The following CTNNA2 variants were observed in gnomAD, a reference collection of about 807,000 sequenced individuals.
CTNNA2 encodes catenin alpha 2, also known as catenin alpha-2.
In CTNNA2, 42 loss-of-function variants were observed where a neutral mutation model predicts 101.0. The observed-to-expected ratio is 0.42, with a 90% CI of 0.32 to 0.54. The LOEUF (loss-of-function observed/expected upper bound fraction) is 0.54. Among genes scored for constraint, CTNNA2 ranks in the 20% least tolerant of loss-of-function variants. CTNNA2 has a pLI of 0.14. For missense variants in CTNNA2, 871 were observed against 1,223.1 expected (o/e 0.71, Z 4.29); for synonymous variants, 450 against 456.4 (o/e 0.99, Z 0.18).
intron 1 of CTNNA2, chr2:79,195,743 T>C (rs958514712): frequency 2.1e-6 from 1 of 465,706 alleles, no homozygotes. Context: ...GAGGGATGTG[T>C]CATATCATCT....
At chr2:80,498,155 A>G (rs1462616173) in intron 9 of CTNNA2, among the ~76,000 whole-genome samples, 1 of 152,242 alleles carries the variant, frequency 6.6e-6, no homozygotes, top group Non-Finnish European at 1.5e-5. Flanking sequence ...CACTCTGTGC[A>G]CAACCACACC....
chr2:79,684,629 T>C (rs1683809776), intron 2 of CTNNA2, among the ~76,000 whole-genome samples: 1 of 152,200 alleles, frequency 6.6e-6, no homozygotes, highest in Non-Finnish European at 1.5e-5. Context: ...TCCAATACTT[T>C]ACTGTGTTAT....
rs375583816 is a variant in CTNNA2 at position 79,651,605 on chromosome 2, T to C, written c.49T>C (p.Leu17=). 118 of 1,613,848 alleles carry C rather than the reference T, an allele frequency of 7.3e-5. No individual in the cohort carries two copies. Among genetic ancestry groups the C allele is most frequent in the Admixed American group, 6.7e-4 (40 of 59,954 alleles). The part of the protein sequence containing the change: ...PIILKWDPKS[L]EIRTLTVERL... Reference sequence around the variant, plus strand: ...CATTCTGAAATGGGACCCCAAAAGTTTGGAAATCCGGACGCTAACAGTGGA... The same window carrying C: ...CATTCTGAAATGGGACCCCAAAAGTCTGGAAATCCGGACGCTAACAGTGGA... Residue 17 remains leucine, a synonymous_variant, in exon 2 of 19, where the codon TTG becomes CTG. Coordinates refer to ENST00000402739, the MANE Select transcript of CTNNA2 (RefSeq NM_001282597.3).
At position 79,635,301 on chromosome 2, in the gene CTNNA2, G is replaced by T. The variant is rs531693698; in HGVS notation, c.-5-16251G>T. Among the ~76,000 whole-genome samples, 21 of 151,900 alleles carry T rather than the reference G, an allele frequency of 1.4e-4. 1 individual carries two copies. In the South Asian group the frequency reaches 3.7e-3, roughly 27 times the overall value. On this transcript the variant is annotated intron_variant, in intron 1 of 18. Transcript: ENST00000402739. ...CAAAAAATTAGCCGGGCGCGGTGGT[G>T]GGCGCCTGTAGTCCCAGCTACTCGG...
intron 9 of CTNNA2, among the ~76,000 whole-genome samples, chr2:80,533,257 A>T (rs774510767): frequency 1.3e-5 from 2 of 149,746 alleles, no homozygotes; most frequent in African/African-American, 2.6e-5. Flanking sequence ...TGTGAATGGG[A>T]TGCCTTCAGC....
At chr2:80,242,597 C>A (rs1308933923) in intron 7 of CTNNA2, among the ~76,000 whole-genome samples, 1 of 152,182 alleles carries the variant, frequency 6.6e-6, no homozygotes, top group African/African-American at 2.4e-5. Context: ...AGGTGCCAGC[C>A]TCCTGTGATC....
rs189901222 is a variant in CTNNA2, at chr2:79,466,091, G to A, written c.-134-38963G>A. ...ATTAGCCGAAGCAGGGCGAGGCATC[G>A]CCTCACCCAGGAAGTGCAAGGGGTC... On this transcript the variant is annotated intron_variant, in intron 4 of 21. Coordinates refer to the CTNNA2 transcript ENST00000466387. Among the ~76,000 whole-genome samples, 165 of 152,320 alleles carry A rather than the reference G, an allele frequency of 1.1e-3. 1 individual carries two copies. The highest frequency in any genetic ancestry group is 6.8e-3 in the Middle Eastern group (2 of 294).
At chr2:79,893,157 T>C (rs570218998) in intron 6 of CTNNA2, among the ~76,000 whole-genome samples, 23 of 152,318 alleles carry the variant, frequency 1.5e-4, no homozygotes, top group Admixed American at 3.3e-4. Flanking sequence ...TGCCAGACTG[T>C]TGTGTCTCAT....
At chr2:79,395,917 A>G (rs551745406) in intron 4 of CTNNA2, among the ~76,000 whole-genome samples, 2 of 152,286 alleles carry the variant, frequency 1.3e-5, no homozygotes, top group African/African-American at 4.8e-5. Context: ...ACAAATAACA[A>G]TCTTAACACA....
intron 7 of CTNNA2, among the ~76,000 whole-genome samples, chr2:80,231,011 G>T (rs1037936599): frequency 6.6e-6 from 1 of 151,606 alleles, no homozygotes; most frequent in African/African-American, 2.4e-5. Flanking sequence ...TCGCTCTGTC[G>T]TCCAGGCTGG....
At position 79,393,030 on chromosome 2, in the gene CTNNA2, T is replaced by C. The variant is rs1346979063; in HGVS notation, c.-135+19017T>C. 3.9e-5 allele frequency among the ~76,000 whole-genome samples: 6 copies of C among 152,312 alleles called. No individual in the cohort carries two copies. The East Asian group carries it at 9.7e-4, about 25-fold the overall frequency. ...GCTTCATGAAAATCCTGACCTGAGT[T>C]TTGAACTACAGCAGGGAGATTTGGA... On this transcript the variant is annotated intron_variant, in intron 4 of 21. Transcript: ENST00000466387.
intron 3 of CTNNA2, among the ~76,000 whole-genome samples, chr2:79,335,648 G>C (rs1003256): frequency 0.28 from 43,121 of 152,054 alleles, 6,471 homozygotes; most frequent in South Asian, 0.41. Context: ...CTACGTCTTA[G>C]TTACTCCAAA....
intron 7 of CTNNA2, among the ~76,000 whole-genome samples, chr2:80,203,006 G>C (rs932690394): frequency 6.6e-6 from 1 of 152,180 alleles, no homozygotes; most frequent in Non-Finnish European, 1.5e-5. Context: ...AAGAGAGCTT[G>C]TGCAGAGCAA....
In CTNNA2 at chr2:79,386,518, G is replaced by T. The variant is rs771031399; in HGVS notation, c.-135+12505G>T. On this transcript the variant is annotated intron_variant, in intron 4 of 21. Transcript: ENST00000466387. ...CCTCTAAAAAGTTTATCTGCTTTAG[G>T]TTCTTCTTAATGAAAACATAACATA... 3.9e-5 allele frequency among the ~76,000 whole-genome samples: 6 copies of T among 152,054 alleles called. No individual in the cohort carries two copies. The Middle Eastern group carries it at 0.01, about 260-fold the overall frequency.
intron 15 of CTNNA2, among the ~76,000 whole-genome samples, chr2:80,596,193 T>C (rs929445853): frequency 6.6e-6 from 1 of 150,628 alleles, no homozygotes; most frequent in Admixed American, 6.6e-5. Flanking sequence ...GGAATGCCTG[T>C]GATTTTTGCA....
At chr2:80,364,468 G>T (rs1441469721) in intron 7 of CTNNA2, among the ~76,000 whole-genome samples, 2 of 151,328 alleles carry the variant, frequency 1.3e-5, no homozygotes, top group Admixed American at 1.3e-4. Context: ...TATTTTAGTC[G>T]TTCCTAAAAT....
At chr2:80,422,152 G>T (rs1173266061) in intron 9 of CTNNA2, among the ~76,000 whole-genome samples, 1 of 152,166 alleles carries the variant, frequency 6.6e-6, no homozygotes, top group African/African-American at 2.4e-5. Context: ...CATATGTGGG[G>T]AGGCCTCACA....
At chr2:80,435,466 C>T (rs1226989748) in intron 9 of CTNNA2, among the ~76,000 whole-genome samples, 2 of 152,182 alleles carry the variant, frequency 1.3e-5, no homozygotes, top group East Asian at 1.9e-4. Flanking sequence ...TAAAAAGATG[C>T]CCTAGTATTC....
intron 5 of CTNNA2, among the ~76,000 whole-genome samples, chr2:79,506,739 A>G (rs1364055827): frequency 3.3e-5 from 5 of 152,196 alleles, no homozygotes; most frequent in Non-Finnish European, 7.3e-5. Flanking sequence ...TAGAGGAAAT[A>G]CCTCTGTATT....
Sources: allele counts gnomAD v4.1 joint callset (sites outside exome capture counted in the v4.1 genomes callset), GRCh38; gene constraint gnomAD v4.1.1; transcripts MANE v1.5; gene names NCBI Gene and HGNC (gene_info 2026-07-23, HGNC 2026-07-21).